GUCY2D: variants seen among roughly 807,000 people sequenced by gnomAD.
GUCY2D encodes retinal guanylyl cyclase 1.
Under a neutral mutation model 101.3 loss-of-function variants are expected in GUCY2D, and 70 were observed. The observed-to-expected ratio is 0.69, with a 90% CI of 0.57 to 0.84. The LOEUF (loss-of-function observed/expected upper bound fraction) is 0.84. Ranked by LOEUF, GUCY2D falls within the 40% of genes least tolerant of loss-of-function variation. GUCY2D has a pLI of 0.00. For missense variants in GUCY2D, 1,460 were observed against 1,542.5 expected (o/e 0.95, Z 0.90); for synonymous variants, 688 against 670.7 (o/e 1.03, Z -0.40).
intron 3 of GUCY2D, among the ~76,000 whole-genome samples, chr17:8,005,942 A>G (rs897718018): frequency 9.2e-5 from 14 of 152,180 alleles, no homozygotes; most frequent in Admixed American, 4.6e-4. Flanking sequence ...ATAGAAGCCA[A>G]CCAAAAGATA....
Position 8,016,488 on chromosome 17 carries a change from G to T in GUCY2D, c.3270G>T (p.Arg1090=). 6.3e-7 allele frequency: 1 copy of T among 1,581,796 alleles called. No individual in the cohort carries two copies. ...GCCTGCAGGAGATCCCACCCGAGCG[G>T]CGACGGAAGCTGGAGAAGGCGCGGC... ...GISLQEIPPE[R]RRKLEKARPG... is the part of the protein sequence containing the mutation. Residue 1090 remains arginine, a synonymous_variant, in exon 19 of 20, where the codon CGG becomes CGT. Transcript: ENST00000254854.
intron 19 of GUCY2D, chr17:8,016,864 A>C: frequency 3.2e-6 from 1 of 311,222 alleles, no homozygotes; most frequent in Non-Finnish European, 6.1e-6. Context: ...TGCACTGCAC[A>C]AGAGACAACT....
intron 6 of GUCY2D, 93 bp from the exon 7 acceptor site, chr17:8,007,838 C>T: frequency 1.3e-6 from 1 of 783,520 alleles, no homozygotes; most frequent in South Asian, 1.4e-5. Flanking sequence ...CTTCGCCTCC[C>T]ATCTTTAAAT....
chr17:8,019,131 C>T (rs183331808), intron 19 of GUCY2D, among the ~76,000 whole-genome samples: 68 of 152,300 alleles, frequency 4.5e-4, no homozygotes, highest in Non-Finnish European at 4.4e-4. Context: ...TTTCTCTGTA[C>T]TTAGGTCCCA....
chr17:8,007,080 T>G lies in GUCY2D; in HGVS notation c.1399T>G (p.Phe467Val). The G allele has an allele frequency of 6.2e-7, 1 of 1,614,142 alleles. No homozygotes were observed. The highest frequency in any genetic ancestry group is 8.5e-7 in the Non-Finnish European group (1 of 1,179,954). The change falls in exon 5 of 20, where the codon TTT becomes GTT. Residue 467 changes from phenylalanine (F) to valine (V), a missense_variant. Phe to Val is a conservative substitution (Grantham distance 50). Around this residue, in one of 3 missense-constraint regions of GUCY2D, gnomAD observed 1,196 missense variants for 1,229.6 expected, o/e 0.97. Coordinates refer to ENST00000254854, the MANE Select transcript of GUCY2D (RefSeq NM_000180.4). ...CGGGLEPGLV[F>V]LGFLLVVGMG... Reference sequence around the variant, plus strand: ...TTCAGGACTGGAGCCGGGCCTCGTCTTTCTTGGCTTCCTCCTGGTGGTTGG... The same window carrying G: ...TTCAGGACTGGAGCCGGGCCTCGTCGTTCTTGGCTTCCTCCTGGTGGTTGG...
Position 8,013,272 on chromosome 17 carries a change from G to T in GUCY2D, c.2263+20G>T, listed in dbSNP as rs1180607847. 1 of 1,613,108 alleles carries T rather than the reference G, an allele frequency of 6.2e-7. No individual in the cohort carries two copies. The highest frequency in any genetic ancestry group is 1.7e-5 in the Admixed American group (1 of 59,974). ...CCGAGGGTAAGGCTGCCCTGTGCGT[G>T]GAGTTCGGCCCACAGGGGCACCCTG... On this transcript the variant is annotated intron_variant, in intron 11 of 19. Coordinates refer to ENST00000254854, the MANE Select transcript of GUCY2D (RefSeq NM_000180.4). This position sits in a 1 kb window ranked among gnomAD's most constrained non-coding sequence, Gnocchi z 5.0.
In GUCY2D at chr17:8,011,537, CT is replaced by C. The variant is rs1975850932; in HGVS notation, c.1750-606del. Reference sequence around the variant, plus strand: ...ACCCAGGCAGTTCAGAGTTTTATGGCTGGGGCCAGGTGTGGTGGCTCAGGCC... The same window carrying C: ...ACCCAGGCAGTTCAGAGTTTTATGGCGGGGCCAGGTGTGGTGGCTCAGGCC... On this transcript the variant is annotated intron_variant, in intron 8 of 19. Coordinates refer to ENST00000254854, the MANE Select transcript of GUCY2D (RefSeq NM_000180.4). This position sits in a 1 kb window ranked among gnomAD's most constrained non-coding sequence, Gnocchi z 4.3. 6.6e-6 allele frequency among the ~76,000 whole-genome samples: 1 copy of C among 151,724 alleles called. No individual in the cohort carries two copies. The highest frequency in any genetic ancestry group is 6.6e-5 in the Admixed American group (1 of 15,236).
intron 8 of GUCY2D, 137 bp from the exon 9 acceptor site, chr17:8,012,007 A>G: frequency 1.4e-6 from 1 of 703,266 alleles, no homozygotes; most frequent in Non-Finnish European, 2.6e-6. Context: ...CCCCGTACAT[A>G]CCTTATCAAC....
chr17:8,013,239 G>A lies in GUCY2D; in HGVS notation c.2250G>A (p.Glu750=), dbSNP rs149560134. 9.3e-6 allele frequency: 15 copies of A among 1,613,992 alleles called. No individual in the cohort carries two copies. Among genetic ancestry groups the A allele is most frequent in the Non-Finnish European group, 1.1e-5 (13 of 1,180,012 alleles). The change falls in exon 11 of 20, where the codon GAG becomes GAA. Residue 750 remains glutamate, a synonymous_variant. Transcript: ENST00000254854. The surrounding 1 kb of genome is among the most constrained non-coding windows in gnomAD (Gnocchi z 5.0). ...GCAGTGCCCCTTATGCCATGCTGGAGCTCACTCCCGAGGGTAAGGCTGCCC... is the reference window on the plus strand; with the variant it reads ...GCAGTGCCCCTTATGCCATGCTGGAACTCACTCCCGAGGGTAAGGCTGCCC... The part of the protein sequence containing the change: ...VCRSAPYAML[E]LTPEEVVQRV...
At chr17:8,016,311 G>T (rs370725838) in intron 18 of GUCY2D, 21 bp downstream of exon 18, 7 of 1,533,962 alleles carry the variant, frequency 4.6e-6, no homozygotes, top group Non-Finnish European at 6.2e-6. Context: ...GGCCTCCGCG[G>T]CAGGGCGAGG....
At chr17:8,017,058 TTGC>T (rs1975992928) in intron 19 of GUCY2D, among the ~76,000 whole-genome samples, 1 of 152,230 alleles carries the variant, frequency 6.6e-6, no homozygotes, top group Non-Finnish European at 1.5e-5. Context: ...TTCCTGAAAG[TTGC>T]TGCTATAGGT....
At position 8,014,615 on chromosome 17, in the gene GUCY2D, C is replaced by G; in HGVS notation, c.2427C>G (p.Asn809Lys). 2 of 1,614,144 alleles carry G rather than the reference C, an allele frequency of 1.2e-6. No homozygotes were observed. Among genetic ancestry groups the G allele is most frequent in the African/African-American group, 1.3e-5 (1 of 75,046 alleles). ...TCTACTGCTAGTTCAAGAACATCAACAAGGGCCGGAAGACGAACATCATTG... is the reference window on the plus strand; with the variant it reads ...TCTACTGCTAGTTCAAGAACATCAAGAAGGGCCGGAAGACGAACATCATTG... ...DHTFDLFKNI[N>K]KGRKTNIIDS... Residue 809 changes from asparagine (N) to lysine (K), a missense_variant, in exon 13 of 20, where the codon AAC becomes AAG. Physicochemically the swap from Asn to Lys is moderately conservative, Grantham distance 94. Coordinates refer to ENST00000254854, the MANE Select transcript of GUCY2D (RefSeq NM_000180.4). The surrounding 1 kb of genome is among the most constrained non-coding windows in gnomAD (Gnocchi z 4.0).
rs894374368 is a variant in GUCY2D, at chr17:8,002,638, T to C, written c.-106T>C. 12 of 197,632 alleles carry C rather than the reference T, an allele frequency of 6.1e-5. No individual in the cohort carries two copies. The Admixed American group carries it at 7.5e-4, about 12-fold the overall frequency. The allele number at this position is 197,632 out of a possible 1,614,324, so 12.2% of individuals were successfully genotyped here. ...CTGTACCCACGCCCCCGCCCTGGCC[T>C]GGGCTGGCAAGGAAGACCTGTGGGC... On this transcript the variant is annotated 5_prime_UTR_variant, in exon 1 of 20. Transcript: ENST00000254854. The surrounding 1 kb of genome is among the most constrained non-coding windows in gnomAD (Gnocchi z 4.9).
At chr17:8,004,280 G>A in intron 3 of GUCY2D, 124 bp downstream of exon 3, 2 of 906,318 alleles carry the variant, frequency 2.2e-6, no homozygotes, top group Non-Finnish European at 3.3e-6. Flanking sequence ...GGAGTTTCCT[G>A]GGTAATGTAG....
In GUCY2D at chr17:8,013,844, G is replaced by A. The variant is rs779428964; in HGVS notation, c.2264-36G>A. The A allele has an allele frequency of 5.6e-6, 9 of 1,602,588 alleles. No individual in the cohort carries two copies. The East Asian group carries it at 2.0e-4, about 36-fold the overall frequency. ...GGTCAGAGGCAGCCTTTGTGTTCTG[G>A]GGGCACTCCCCCTCACTGTCCCCTC... On this transcript the variant is annotated intron_variant, in intron 11 of 19. Transcript: ENST00000254854. This position sits in a 1 kb window ranked among gnomAD's most constrained non-coding sequence, Gnocchi z 5.0.
intron 19 of GUCY2D, 39 bp from the exon 20 acceptor site, chr17:8,020,089 C>CATTTTTTTTTTTTTTTTTTTT (rs1295404336): frequency 1.2e-5 from 1 of 84,292 alleles, no homozygotes; most frequent in Non-Finnish European, 2.1e-5. Context: ...CACCTGGCGC[C>CATTTTTTTTTTTTTTTTTTTT]TTTTTTTTTT....
Position 8,015,615 on chromosome 17 carries a change from G to A in GUCY2D, c.2944+113G>A, listed in dbSNP as rs958884481. 1.7e-5 allele frequency: 20 copies of A among 1,196,876 alleles called. No homozygotes were observed. In the African/African-American group the frequency reaches 2.3e-4, roughly 14 times the overall value. The allele number at this position is 1,196,876 out of a possible 1,614,324, so 74.1% of individuals were successfully genotyped here. A position where few individuals can be genotyped will look rare whatever the true frequency, so the allele number is the denominator to read the frequency against. On this transcript the variant is annotated intron_variant, in intron 15 of 19. Coordinates refer to ENST00000254854, the MANE Select transcript of GUCY2D (RefSeq NM_000180.4). ...CGGGGAGTGGGGCTTACCTTGAAGA[G>A]GATGCACTTAACAAGGCTTATTTGG...
In GUCY2D at chr17:8,014,439, A is replaced by G; in HGVS notation, c.2413-162A>G. The G allele has an allele frequency of 1.4e-6, 1 of 720,870 alleles. No homozygotes were observed. The highest frequency in any genetic ancestry group is 1.5e-5 in the South Asian group (1 of 68,924). The allele number at this position is 720,870 out of a possible 1,614,324, so 44.7% of individuals were successfully genotyped here. On this transcript the variant is annotated intron_variant, in intron 12 of 19. Coordinates refer to ENST00000254854, the MANE Select transcript of GUCY2D (RefSeq NM_000180.4). The surrounding 1 kb of genome is among the most constrained non-coding windows in gnomAD (Gnocchi z 4.0). The stretch of plus-strand genomic sequence containing the variant: ...GCCTCCTAATCGTGTCTGAAAACAC[A>G]GTGCCCAGCACCCCGGGGTGCTTGA...
chr17:8,006,423 G>T lies in GUCY2D; in HGVS notation c.1087G>T (p.Glu363Ter). Reference protein sequence around the residue: ...AVFLLARGVAEARAAAGGRWV... With the variant: ...AVFLLARGVA The stretch of plus-strand genomic sequence containing the variant: ...CTTCTTGCTGGCAAGGGGCGTGGCA[G>T]AAGCGCGGGCTGCCGCAGGTGGCAG... Residue 363 changes from glutamate (E) to a stop codon, truncating the protein, a stop_gained, in exon 4 of 20, where the codon GAA becomes TAA. Transcript: ENST00000254854. LOFTEE classifies it high-confidence loss of function. 1 of 1,603,134 alleles carries T rather than the reference G, an allele frequency of 6.2e-7. No homozygotes were observed.
Sources: gnomAD v4.1 joint callset for allele counts (sites outside exome capture counted in the v4.1 genomes callset) on GRCh38, gnomAD v4.1.1 for gene constraint, gnomAD v4.1.1 regional missense constraint, Gnocchi (gnomAD v3.1) non-coding constraint, MANE v1.5 for transcripts, NCBI Gene and HGNC (gene_info 2026-07-23, HGNC 2026-07-21) for gene names.